The following FBXL7 variants were observed in gnomAD, a reference collection of about 807,000 sequenced individuals.
FBXL7 encodes F-box/LRR-repeat protein 7.
Under a neutral mutation model 38.3 loss-of-function variants are expected in FBXL7, and 12 were observed. The ratio of observed to expected loss-of-function variants is 0.31; its 90% CI spans 0.20 to 0.51. FBXL7 has a LOEUF of 0.51. Among genes scored for constraint, FBXL7 ranks in the 20% least tolerant of loss-of-function variants. FBXL7 has a pLI of 0.98. For missense variants in FBXL7, 567 were observed against 676.4 expected (o/e 0.84, Z 1.79); for synonymous variants, 297 against 300.9 (o/e 0.99, Z 0.13).
At position 15,576,070 on chromosome 5, in the gene FBXL7, TTC is replaced by T. The variant is rs1326508382; in HGVS notation, c.38-39911_38-39910del. Among the ~76,000 whole-genome samples, 823 of 127,316 alleles carry T rather than the reference TTC, an allele frequency of 6.5e-3. 18 individuals carry two copies. The highest frequency in any genetic ancestry group is 0.024 in the African/African-American group (749 of 31,710). The allele number at this position is 127,316 out of a possible 152,430, so 83.5% of individuals were successfully genotyped here. The stretch of plus-strand genomic sequence containing the variant: ...AAGTAATGGTTGCCAGAGAATCTCA[TTC>T]TTTTTTTTTTTTTTTTTTTTTTTTT... On this transcript the variant is annotated intron_variant, in intron 1 of 3. Coordinates refer to ENST00000504595, the MANE Select transcript of FBXL7 (RefSeq NM_012304.5).
At chr5:15,652,863 TA>T (rs1741756408) in intron 2 of FBXL7, among the ~76,000 whole-genome samples, 1 of 152,196 alleles carries the variant, frequency 6.6e-6, no homozygotes. Flanking sequence ...ACTGTATATT[TA>T]AAAATAACTA....
intron 2 of FBXL7, among the ~76,000 whole-genome samples, chr5:15,776,763 C>G (rs1249737582): frequency 1.3e-5 from 2 of 152,026 alleles, no homozygotes; most frequent in Non-Finnish European, 2.9e-5. Flanking sequence ...AAGCATATTC[C>G]TAAGTTTTAC....
rs138867849 is a variant in FBXL7 at position 15,790,525 on chromosome 5, T to A, written c.128-137365T>A. Among the ~76,000 whole-genome samples, 14 of 152,332 alleles carry A rather than the reference T, an allele frequency of 9.2e-5. 1 individual carries two copies. The South Asian group carries it at 2.7e-3, about 29-fold the overall frequency. On this transcript the variant is annotated intron_variant, in intron 2 of 3. Coordinates refer to ENST00000504595, the MANE Select transcript of FBXL7 (RefSeq NM_012304.5). ...CACCATTTATTATTAAAGCCACCCA[T>A]GCCAGCATTTTTCTCAGCAAATCAT...
intron 1 of FBXL7, among the ~76,000 whole-genome samples, chr5:15,608,232 T>C (rs985897950): frequency 6.6e-6 from 1 of 152,210 alleles, no homozygotes; most frequent in African/African-American, 2.4e-5. Flanking sequence ...TTGGTCATGG[T>C]TTCATGCTTT....
At chr5:15,915,567 C>A (rs1741562302) in intron 2 of FBXL7, among the ~76,000 whole-genome samples, 1 of 152,212 alleles carries the variant, frequency 6.6e-6, no homozygotes, top group African/African-American at 2.4e-5. Flanking sequence ...GCATGACCTC[C>A]TCTTAACCTA....
chr5:15,852,161 T>G (rs535947280), intron 2 of FBXL7, among the ~76,000 whole-genome samples: 1 of 152,308 alleles, frequency 6.6e-6, no homozygotes, highest in African/African-American at 2.4e-5. Flanking sequence ...TTGGAATATC[T>G]CTCTGGTATT....
intron 2 of FBXL7, among the ~76,000 whole-genome samples, chr5:15,850,934 G>A (rs1287763109): frequency 5.3e-5 from 8 of 152,164 alleles, no homozygotes; most frequent in Non-Finnish European, 7.4e-5. Context: ...CATCTCTTGC[G>A]GCTTGGCTGT....
In FBXL7 at chr5:15,707,417, A is replaced by C. The variant is rs550780134; in HGVS notation, c.127+91345A>C. ...AAAAATCTAGAGAAGAAAGACCCCA[A>C]ATTTTTAAACTGAACATAATCAGGA... On this transcript the variant is annotated intron_variant, in intron 2 of 3. Transcript: ENST00000504595. Among the ~76,000 whole-genome samples, 10 of 151,984 alleles carry C rather than the reference A, an allele frequency of 6.6e-5. No homozygotes were observed. In the South Asian group the frequency reaches 1.9e-3, roughly 28 times the overall value.
intron 1 of FBXL7, among the ~76,000 whole-genome samples, chr5:15,592,361 A>G (rs1739505049): frequency 6.6e-6 from 1 of 152,184 alleles, no homozygotes; most frequent in Non-Finnish European, 1.5e-5. Flanking sequence ...ACAGTTGCCC[A>G]GGGATCATGG....
rs143509927 is a variant in FBXL7, at chr5:15,702,648, C to A, written c.127+86576C>A. 1.8e-3 allele frequency among the ~76,000 whole-genome samples: 268 copies of A among 152,322 alleles called. 1 individual carries two copies. The highest frequency in any genetic ancestry group is 3.3e-3 in the Non-Finnish European group (227 of 68,038). ...ATTACCTGAAGTCTTCAAGATTGCA[C>A]TTTATGGCTAACACATTGGAAATTG... On this transcript the variant is annotated intron_variant, in intron 2 of 3. Transcript: ENST00000504595.
chr5:15,515,397 A>G (rs908968462), intron 1 of FBXL7, among the ~76,000 whole-genome samples: 5 of 152,246 alleles, frequency 3.3e-5, no homozygotes, highest in East Asian at 1.9e-4. Flanking sequence ...TTGAAGAGCC[A>G]TCATGGAATT....
chr5:15,559,909 A>G (rs1452790609), intron 1 of FBXL7, among the ~76,000 whole-genome samples: 32 of 152,172 alleles, frequency 2.1e-4, no homozygotes, highest in Non-Finnish European at 1.5e-5. Flanking sequence ...AACTATCTCT[A>G]CTTGTGAATT....
intron 2 of FBXL7, among the ~76,000 whole-genome samples, chr5:15,869,747 G>A (rs1343306451): frequency 1.3e-5 from 2 of 152,154 alleles, no homozygotes; most frequent in Admixed American, 1.3e-4. Context: ...TAAAATTGGT[G>A]TTTTGGGAAT....
intron 1 of FBXL7, among the ~76,000 whole-genome samples, chr5:15,511,783 C>T (rs952725925): frequency 6.6e-6 from 1 of 152,086 alleles, no homozygotes; most frequent in African/African-American, 2.4e-5. Flanking sequence ...CTGCAAAGAA[C>T]AATGGGGATC....
chr5:15,513,720 T>G (rs1444068034), intron 1 of FBXL7, among the ~76,000 whole-genome samples: 1 of 152,204 alleles, frequency 6.6e-6, no homozygotes, highest in Non-Finnish European at 1.5e-5. Flanking sequence ...TTTTTTAGTT[T>G]TTATTTTTAA....
At chr5:15,635,278 T>G (rs1049712538) in intron 2 of FBXL7, among the ~76,000 whole-genome samples, 2 of 152,138 alleles carry the variant, frequency 1.3e-5, no homozygotes, top group Non-Finnish European at 2.9e-5. Context: ...CTGGAACTGT[T>G]GCTCAGAGAG....
At chr5:15,935,592 G>T (rs1408075506) in intron 3 of FBXL7, among the ~76,000 whole-genome samples, 1 of 152,124 alleles carries the variant, frequency 6.6e-6, no homozygotes, top group Non-Finnish European at 1.5e-5. Context: ...GCAAATAGGG[G>T]TGTGGGGAAT....
intron 2 of FBXL7, among the ~76,000 whole-genome samples, chr5:15,657,116 A>G (rs1251595663): frequency 1.3e-5 from 2 of 152,214 alleles, no homozygotes; most frequent in Non-Finnish European, 2.9e-5. Context: ...ACGTTCCTGG[A>G]TAGGAAAACT....
chr5:15,730,612 G>A (rs1331230091), intron 2 of FBXL7, among the ~76,000 whole-genome samples: 1 of 152,052 alleles, frequency 6.6e-6, no homozygotes, highest in African/African-American at 2.4e-5. Flanking sequence ...TAAGAGAAAG[G>A]GTTAGATTTG....
Sources: gnomAD v4.1 joint callset for allele counts (sites outside exome capture counted in the v4.1 genomes callset) on GRCh38, gnomAD v4.1.1 for gene constraint, MANE v1.5 for transcripts, NCBI Gene and HGNC (gene_info 2026-07-23, HGNC 2026-07-21) for gene names.